The following CHCHD3 variants were observed in gnomAD, a reference collection of about 807,000 sequenced individuals.
The protein encoded by CHCHD3 is coiled-coil-helix-coiled-coil-helix domain containing 3, also known as MICOS complex subunit MIC19.
In CHCHD3, 20 loss-of-function variants were observed where a neutral mutation model predicts 38.2. The ratio of observed to expected loss-of-function variants is 0.52; its 90% CI spans 0.37 to 0.76. The LOEUF (loss-of-function observed/expected upper bound fraction) is 0.76. Ranked by LOEUF, CHCHD3 falls within the 30% of genes least tolerant of loss-of-function variation. The pLI, the probability that CHCHD3 is intolerant of heterozygous loss-of-function variation, is 0.00. For synonymous variants in CHCHD3, 82 were observed against 100.0 expected, an observed-to-expected ratio of 0.82 and a Z score of 1.07; for missense variants, 245 against 279.2, an observed-to-expected ratio of 0.88 and a Z score of 0.87.
Position 132,865,961 on chromosome 7 carries a change from G to C in CHCHD3, c.453+19701C>G, listed in dbSNP as rs532691907. Among the ~76,000 whole-genome samples the C allele has an allele frequency of 8.5e-5, 13 of 152,244 alleles. 1 individual carries two copies. The highest frequency in any genetic ancestry group is 8.5e-4 in the Admixed American group (13 of 15,282). ...CCAACATCCTGCTTTCATGAGAACA[G>C]TTTGCTGTTTACTCATATAGCCTCC... is the stretch of plus-strand genomic sequence containing the variant. On this transcript the variant is annotated intron_variant, in intron 5 of 7. Coordinates refer to ENST00000262570, the MANE Select transcript of CHCHD3 (RefSeq NM_017812.4).
At chr7:133,032,164 C>T (rs1369897265) in intron 2 of CHCHD3, among the ~76,000 whole-genome samples, 3 of 152,138 alleles carry the variant, frequency 2.0e-5, no homozygotes, top group African/African-American at 7.2e-5. Flanking sequence ...CCATTTGTGG[C>T]ACCATTTAGT....
chr7:132,920,848 T>TAA (rs61433548), intron 4 of CHCHD3, among the ~76,000 whole-genome samples: 2 of 144,536 alleles, frequency 1.4e-5, no homozygotes, highest in East Asian at 2.0e-4. Context: ...CAGACTGCCT[T>TAA]AAAAAAAAAA....
At chr7:132,805,220 A>T (rs868162141) in intron 6 of CHCHD3, among the ~76,000 whole-genome samples, 1 of 152,326 alleles carries the variant, frequency 6.6e-6, no homozygotes. Flanking sequence ...CATAAAGGTC[A>T]CAAGTAACAC....
intron 6 of CHCHD3, among the ~76,000 whole-genome samples, chr7:132,798,500 C>T (rs933856477): frequency 3.3e-5 from 5 of 152,050 alleles, no homozygotes; most frequent in African/African-American, 7.2e-5. Flanking sequence ...AGATAAATAT[C>T]GAATAAAATA....
chr7:132,907,958 T>C (rs1562904113), intron 4 of CHCHD3, among the ~76,000 whole-genome samples: 1 of 151,880 alleles, frequency 6.6e-6, no homozygotes, highest in Non-Finnish European at 1.5e-5. Flanking sequence ...CAGGGAAATG[T>C]ACAAGAATTA....
At chr7:132,986,586 T>C (rs933050470) in intron 3 of CHCHD3, among the ~76,000 whole-genome samples, 6 of 152,118 alleles carry the variant, frequency 3.9e-5, no homozygotes, top group African/African-American at 1.4e-4. Context: ...GTTTGATAAT[T>C]TGAGAAAGAG....
Position 132,983,394 on chromosome 7 carries a change from G to A in CHCHD3, c.252-8108C>T, listed in dbSNP as rs143739267. ...GTACATGGCACCATCTGCAGTGGAC[G>A]GAAACGTAAACAGAGGTAAAGATGC... On this transcript the variant is annotated intron_variant, in intron 3 of 7. Coordinates refer to ENST00000262570, the MANE Select transcript of CHCHD3 (RefSeq NM_017812.4). Among the ~76,000 whole-genome samples, 1,099 of 152,228 alleles carry A rather than the reference G, an allele frequency of 7.2e-3. 11 individuals carry two copies. Among genetic ancestry groups the A allele is most frequent in the African/African-American group, 0.024 (999 of 41,524 alleles).
intron 4 of CHCHD3, among the ~76,000 whole-genome samples, chr7:132,955,354 T>C (rs747300079): frequency 6.6e-6 from 1 of 152,128 alleles, no homozygotes; most frequent in Admixed American, 6.5e-5. Flanking sequence ...ACGAACATGA[T>C]TGCCTAGCTT....
intron 4 of CHCHD3, among the ~76,000 whole-genome samples, chr7:132,897,833 G>C (rs1039742550): frequency 3.3e-4 from 50 of 152,170 alleles, no homozygotes; most frequent in African/African-American, 1.2e-3. Context: ...GTCCGGAATT[G>C]GTGGGTTCTT....
chr7:132,859,523 G>T (rs1455990043), intron 5 of CHCHD3, among the ~76,000 whole-genome samples: 1 of 152,196 alleles, frequency 6.6e-6, no homozygotes, highest in Non-Finnish European at 1.5e-5. Flanking sequence ...AAATTTAAAT[G>T]AACTCCTAAA....
chr7:132,936,770 A>T (rs1416139028), intron 4 of CHCHD3, among the ~76,000 whole-genome samples: 11 of 152,198 alleles, frequency 7.2e-5, no homozygotes, highest in Admixed American at 7.2e-4. Flanking sequence ...AAAACGTGCT[A>T]AAGTTATTCT....
intron 3 of CHCHD3, among the ~76,000 whole-genome samples, 199 bp downstream of exon 3, chr7:133,024,347 A>C (rs1290325978): frequency 2.0e-5 from 3 of 152,236 alleles, no homozygotes; most frequent in African/African-American, 7.2e-5. Flanking sequence ...GGTAATTCAC[A>C]GTCAGCTTTG....
At chr7:133,079,376 C>A (rs966451503) in intron 1 of CHCHD3, among the ~76,000 whole-genome samples, 3 of 152,180 alleles carry the variant, frequency 2.0e-5, no homozygotes. Flanking sequence ...AGAGCGACAC[C>A]GCTAGTGAGA....
chr7:132,963,643 A>G (rs954166739), intron 4 of CHCHD3, among the ~76,000 whole-genome samples: 1 of 147,718 alleles, frequency 6.8e-6, no homozygotes, highest in Admixed American at 6.7e-5. Context: ...AAAAAAAAAA[A>G]TTGTAATTTC....
chr7:132,995,668 G>A (rs993068115), intron 3 of CHCHD3, among the ~76,000 whole-genome samples: 7 of 152,310 alleles, frequency 4.6e-5, no homozygotes, highest in African/African-American at 1.4e-4. Flanking sequence ...GAGACAGAGC[G>A]TAAAACCTAG....
At chr7:132,870,089 G>T (rs1808727564) in intron 5 of CHCHD3, among the ~76,000 whole-genome samples, 2 of 151,962 alleles carry the variant, frequency 1.3e-5, no homozygotes, top group Non-Finnish European at 2.9e-5. Flanking sequence ...AGGGACTCAT[G>T]CCTGTAATCC....
chr7:132,860,288 T>TATAG (rs541326587), intron 5 of CHCHD3, among the ~76,000 whole-genome samples: 5 of 129,448 alleles, frequency 3.9e-5, no homozygotes, highest in South Asian at 2.6e-4. Flanking sequence ...GATTTTTTTT[T>TATAG]ATAGATAGAT....
chr7:132,891,419 A>G (rs576626516), intron 4 of CHCHD3, among the ~76,000 whole-genome samples: 15 of 152,336 alleles, frequency 9.8e-5, no homozygotes, highest in East Asian at 9.7e-4. Context: ...CACTAACACT[A>G]TAACACCTAA....
At chr7:133,053,781 T>C (rs570155577) in intron 2 of CHCHD3, among the ~76,000 whole-genome samples, 3 of 152,352 alleles carry the variant, frequency 2.0e-5, no homozygotes, top group Middle Eastern at 6.8e-3. Flanking sequence ...AGTTACTTGA[T>C]GATGATCTCA....
Sources: allele counts gnomAD v4.1 joint callset (sites outside exome capture counted in the v4.1 genomes callset), GRCh38; gene constraint gnomAD v4.1.1; transcripts MANE v1.5; gene names NCBI Gene and HGNC (gene_info 2026-07-23, HGNC 2026-07-21).